Variants in NAALADL2 observed in about 807,000 individuals in gnomAD.
The protein encoded by NAALADL2 is inactive N-acetylated-alpha-linked acidic dipeptidase-like protein 2.
Under a neutral mutation model 87.2 loss-of-function variants are expected in NAALADL2, and 76 were observed. The ratio of observed to expected loss-of-function variants is 0.87; its 90% CI spans 0.72 to 1.05. The LOEUF (loss-of-function observed/expected upper bound fraction) is 1.05. Ranked by LOEUF, NAALADL2 falls within the 50% of genes least tolerant of loss-of-function variation. NAALADL2 has a pLI of 0.00. For synonymous variants in NAALADL2, 354 were observed against 331.0 expected, an observed-to-expected ratio of 1.07 and a Z score of -0.75; for missense variants, 1,089 against 945.8, an observed-to-expected ratio of 1.15 and a Z score of -1.99.
chr3:174,756,897 A>AC (rs747928221), intron 3 of NAALADL2, among the ~76,000 whole-genome samples: 3 of 152,082 alleles, frequency 2.0e-5, no homozygotes, highest in Non-Finnish European at 4.4e-5. Flanking sequence ...TTCTTTCTCC[A>AC]TTTTATAAGA....
rs1194618487 is a variant in NAALADL2 at position 175,075,769 on chromosome 3, A to C, written c.44-21021A>C. Among the ~76,000 whole-genome samples the C allele has an allele frequency of 2.0e-5, 3 of 152,328 alleles. No homozygotes were observed. The East Asian group carries it at 5.8e-4, about 29-fold the overall frequency. On this transcript the variant is annotated intron_variant, in intron 1 of 13. Transcript: ENST00000454872. ...TAACCAAGTTAATGCATGCACAAACAAGTAAAATTGTGTCACAACTGACAC... is the reference window on the plus strand; with the variant it reads ...TAACCAAGTTAATGCATGCACAAACCAGTAAAATTGTGTCACAACTGACAC...
At chr3:175,110,656 A>G (rs948005028) in intron 2 of NAALADL2, among the ~76,000 whole-genome samples, 1 of 151,848 alleles carries the variant, frequency 6.6e-6, no homozygotes, top group Non-Finnish European at 1.5e-5. Context: ...TTTCAGGAAT[A>G]AAATTATTTT....
At chr3:174,709,886 T>C (rs569913536) in intron 2 of NAALADL2, among the ~76,000 whole-genome samples, 2 of 152,348 alleles carry the variant, frequency 1.3e-5, no homozygotes, top group East Asian at 3.9e-4. Context: ...CTTTTTGTAA[T>C]GAATCATTGT....
intron 1 of NAALADL2, among the ~76,000 whole-genome samples, chr3:175,026,439 G>T (rs76268467): frequency 0.11 from 15,596 of 145,514 alleles, 989 homozygotes; most frequent in East Asian, 0.26. Flanking sequence ...GAGGTCAGGA[G>T]TTCGAGACCA....
At chr3:175,218,190 T>G (rs952626776) in intron 2 of NAALADL2, 2 of 392,996 alleles carry the variant, frequency 5.1e-6, no homozygotes, top group African/African-American at 4.2e-5. Flanking sequence ...AAGTTTTAGT[T>G]AGTTTATATA....
chr3:174,889,936 C>A (rs556780946), intron 1 of NAALADL2, among the ~76,000 whole-genome samples: 1 of 152,120 alleles, frequency 6.6e-6, no homozygotes, highest in Non-Finnish European at 1.5e-5. Flanking sequence ...GGACTGGCAG[C>A]TCAGATGTGA....
intron 1 of NAALADL2, among the ~76,000 whole-genome samples, chr3:174,534,279 A>G (rs1336822975): frequency 6.6e-6 from 1 of 151,598 alleles, no homozygotes; most frequent in Non-Finnish European, 1.5e-5. Flanking sequence ...ATTCATAAAT[A>G]TTTCACAATA....
intron 3 of NAALADL2, among the ~76,000 whole-genome samples, chr3:175,251,547 A>G (rs1749069261): frequency 6.6e-6 from 1 of 152,210 alleles, no homozygotes; most frequent in Non-Finnish European, 1.5e-5. Flanking sequence ...TGTCTTAATC[A>G]TTGGTATTTG....
chr3:174,894,578 G>A (rs1731258835), intron 1 of NAALADL2, among the ~76,000 whole-genome samples: 1 of 74,212 alleles, frequency 1.3e-5, no homozygotes, highest in Admixed American at 2.0e-4. Flanking sequence ...TGGGCAAAAA[G>A]AGTGAAACTC....
At chr3:175,465,015 G>A (rs1027350852) in intron 7 of NAALADL2, among the ~76,000 whole-genome samples, 13 of 152,100 alleles carry the variant, frequency 8.5e-5, no homozygotes, top group African/African-American at 3.1e-4. Context: ...TGAAAAAATC[G>A]ATTTTACCAT....
rs1009726154 is a variant in NAALADL2, at chr3:174,920,059, G to A, written c.43+60609G>A. On this transcript the variant is annotated intron_variant, in intron 1 of 13. Transcript: ENST00000454872. ...TATAAACATGTATGCTATCATTCAG[G>A]CCTTGATGTTCCATTTTATAGAGTA... Among the ~76,000 whole-genome samples the A allele has an allele frequency of 7.9e-5, 12 of 152,234 alleles. No individual in the cohort carries two copies. The East Asian group carries it at 1.9e-3, about 25-fold the overall frequency.
At chr3:174,895,624 TA>T (rs1359693356) in intron 1 of NAALADL2, among the ~76,000 whole-genome samples, 1 of 152,148 alleles carries the variant, frequency 6.6e-6, no homozygotes, top group Non-Finnish European at 1.5e-5. Context: ...ACACCAATCC[TA>T]CTCAAACTAC....
chr3:175,704,907 C>T (rs1471125783), intron 11 of NAALADL2, among the ~76,000 whole-genome samples: 2 of 152,156 alleles, frequency 1.3e-5, no homozygotes, highest in South Asian at 2.1e-4. Context: ...GCATCGTGCA[C>T]ACATTACTGT....
At position 175,401,975 on chromosome 3, in the gene NAALADL2, G is replaced by A. The variant is rs372241493; in HGVS notation, c.1091-45254G>A. On this transcript the variant is annotated intron_variant, in intron 5 of 13. Coordinates refer to ENST00000454872, the MANE Select transcript of NAALADL2 (RefSeq NM_207015.3). ...AAGCCTAGTTGAGATTAACTTCATG[G>A]AGTGACTTCCTAAGGCACTTATATC... Among the ~76,000 whole-genome samples the A allele has an allele frequency of 9.2e-5, 14 of 152,080 alleles. No homozygotes were observed. In the East Asian group the frequency reaches 1.7e-3, roughly 19 times the overall value.
At chr3:174,527,457 T>G (rs1325772711) in intron 1 of NAALADL2, among the ~76,000 whole-genome samples, 3 of 151,124 alleles carry the variant, frequency 2.0e-5, no homozygotes, top group Non-Finnish European at 2.9e-5. Flanking sequence ...AGGCAGAGGT[T>G]GCAATGAGCT....
chr3:174,654,095 TGTG>T (rs1724659603), intron 2 of NAALADL2, among the ~76,000 whole-genome samples: 1 of 151,120 alleles, frequency 6.6e-6, no homozygotes, highest in Non-Finnish European at 1.5e-5. Flanking sequence ...TGTGTGTGTG[TGTG>T]TGTTAGAAAT....
intron 6 of NAALADL2, 67 bp from the exon 7 acceptor site, chr3:175,463,334 A>T: frequency 2.0e-6 from 2 of 1,015,448 alleles, no homozygotes; most frequent in Non-Finnish European, 2.9e-6. Context: ...GATAAAATAA[A>T]TTTTAAGGTT....
chr3:175,447,896 T>A (rs1344712572), intron 6 of NAALADL2, among the ~76,000 whole-genome samples: 1 of 152,198 alleles, frequency 6.6e-6, no homozygotes, highest in Admixed American at 6.5e-5. Context: ...CTGAAGTAGT[T>A]AAGCTACCTG....
At position 174,784,975 on chromosome 3, in the gene NAALADL2, T is replaced by C. The variant is rs529590459; in HGVS notation, c.-9+47229T>C. 8.5e-5 allele frequency among the ~76,000 whole-genome samples: 13 copies of C among 152,352 alleles called. No individual in the cohort carries two copies. In the South Asian group the frequency reaches 2.3e-3, roughly 27 times the overall value. ...TAAAAAAGTGAATAGGAGAGGACTA[T>C]GATAATCAAGATCTTTTGTCCTTTT... is the stretch of plus-strand genomic sequence containing the variant. On this transcript the variant is annotated intron_variant, in intron 3 of 3. Transcript: ENST00000434257.
Sources: gnomAD v4.1 joint callset for allele counts (sites outside exome capture counted in the v4.1 genomes callset) on GRCh38, gnomAD v4.1.1 for gene constraint, MANE v1.5 for transcripts, NCBI Gene and HGNC (gene_info 2026-07-23, HGNC 2026-07-21) for gene names.